Variants in CLDN14 observed in about 807,000 individuals in gnomAD.
The protein encoded by CLDN14 is claudin 14.
A neutral mutation model predicts 2.1 loss-of-function variants in CLDN14; 2 were observed. That is an observed-to-expected ratio of 0.96 (90% confidence interval 0.39 to 3.01). CLDN14 has a LOEUF of 3.01. Ranked by LOEUF, CLDN14 falls within the 30% of genes most tolerant of loss-of-function variation. The pLI is 0.09. For missense variants in CLDN14, 298 were observed against 328.0 expected (o/e 0.91, Z 0.71); for synonymous variants, 136 against 154.4 (o/e 0.88, Z 0.88).
chr21:36,464,326 A>C (rs2086618402), intron 1 of CLDN14, among the ~76,000 whole-genome samples: 1 of 152,216 alleles, frequency 6.6e-6, no homozygotes, highest in Non-Finnish European at 1.5e-5. Context: ...AACCAGTCTC[A>C]GGTAGTTCTT....
rs879424414 is a variant in CLDN14 at position 36,557,459 on chromosome 21, TA to T, written c.-220+18951del. 2.5e-3 allele frequency among the ~76,000 whole-genome samples: 377 copies of T among 149,902 alleles called. 3 individuals are homozygous for T. Among genetic ancestry groups the T allele is most frequent in the East Asian group, 0.025 (128 of 5,136 alleles). ...TCCACATCCTTGCCAACTCTTATCT[TA>T]AAAAAAAAATGCCATCCTAGTAGAT... On this transcript the variant is annotated intron_variant, in intron 1 of 2. Coordinates refer to the CLDN14 transcript ENST00000342108.
chr21:36,510,158 T>TAG (rs1444352878), intron 2 of CLDN14, among the ~76,000 whole-genome samples: 1 of 152,180 alleles, frequency 6.6e-6, no homozygotes. Context: ...GCTGAGCTGA[T>TAG]CCAAGACATT....
At chr21:36,505,997 C>T (rs956793405) in intron 2 of CLDN14, among the ~76,000 whole-genome samples, 9 of 152,212 alleles carry the variant, frequency 5.9e-5, no homozygotes, top group Non-Finnish European at 1.3e-4. Context: ...GAATACTCTT[C>T]AACTCAGCTA....
chr21:36,505,502 G>A (rs1402720938), intron 2 of CLDN14, among the ~76,000 whole-genome samples: 2 of 152,168 alleles, frequency 1.3e-5, no homozygotes, highest in Non-Finnish European at 2.9e-5. Context: ...AGGACAGGAT[G>A]ACTGGAGAGC....
intron 1 of CLDN14, among the ~76,000 whole-genome samples, chr21:36,468,438 G>A (rs1299132143): frequency 3.3e-5 from 5 of 152,054 alleles, no homozygotes; most frequent in African/African-American, 1.2e-4. Flanking sequence ...TTAGCCGGGT[G>A]TGGTGATGCA....
At chr21:36,501,562 G>T (rs1212008074) in intron 2 of CLDN14, among the ~76,000 whole-genome samples, 1 of 151,792 alleles carries the variant, frequency 6.6e-6, no homozygotes, top group Non-Finnish European at 1.5e-5. Flanking sequence ...ATGGGCTTTA[G>T]GGAACAAGCC....
chr21:36,542,680 CAGGCCTCCCAG>C (rs2087499627), intron 1 of CLDN14: 1 of 152,274 alleles, frequency 6.6e-6, no homozygotes, highest in South Asian at 2.1e-4. Flanking sequence ...CCTCGAGCGA[CAGGCCTCCCAG>C]AGGCCCCCCA....
chr21:36,467,007 G>C (rs989643594), intron 1 of CLDN14, among the ~76,000 whole-genome samples: 1 of 152,196 alleles, frequency 6.6e-6, no homozygotes, highest in Non-Finnish European at 1.5e-5. Flanking sequence ...CCCCAGCAGA[G>C]AGAGTATCAG....
chr21:36,533,039 C>G (rs2087393339), intron 1 of CLDN14, among the ~76,000 whole-genome samples: 1 of 152,198 alleles, frequency 6.6e-6, no homozygotes. Flanking sequence ...CTGTGGTGCT[C>G]CTCCTGAAAT....
intron 1 of CLDN14, among the ~76,000 whole-genome samples, chr21:36,529,579 A>G (rs2087363368): frequency 6.6e-6 from 1 of 152,066 alleles, no homozygotes; most frequent in Non-Finnish European, 1.5e-5. Flanking sequence ...ACCTGGCCAA[A>G]AAACCCATAG....
chr21:36,519,568 G>A (rs146408942), intron 1 of CLDN14, among the ~76,000 whole-genome samples: 12,632 of 152,126 alleles, frequency 0.083, 1,097 homozygotes, highest in African/African-American at 0.22. Context: ...AAATTAGCCC[G>A]GTGTGGTGGC....
intron 1 of CLDN14, among the ~76,000 whole-genome samples, chr21:36,536,705 C>T (rs966123457): frequency 2.0e-5 from 3 of 152,002 alleles, no homozygotes; most frequent in African/African-American, 7.2e-5. Context: ...TCCCACCCAC[C>T]ATCCTTCTAC....
At chr21:36,528,079 C>G (rs2835382) in intron 1 of CLDN14, among the ~76,000 whole-genome samples, 72,158 of 152,082 alleles carry the variant, frequency 0.47, 19,378 homozygotes, top group Middle Eastern at 0.62. Flanking sequence ...ATATTTGGTA[C>G]AAAGCTGTCG....
At chr21:36,560,916 G>T (rs184357241) in intron 1 of CLDN14, among the ~76,000 whole-genome samples, 11 of 152,270 alleles carry the variant, frequency 7.2e-5, no homozygotes, top group Admixed American at 1.3e-4. Context: ...GTTGTTGTTT[G>T]TTTTTAATTT....
chr21:36,497,442 C>T (rs1401764217), intron 2 of CLDN14, among the ~76,000 whole-genome samples: 1 of 143,236 alleles, frequency 7.0e-6, no homozygotes, highest in Non-Finnish European at 1.5e-5. Context: ...GGCAGGCACA[C>T]GCACACAGGC....
intron 1 of CLDN14, among the ~76,000 whole-genome samples, chr21:36,530,263 T>A (rs1338090855): frequency 6.6e-6 from 1 of 150,958 alleles, no homozygotes; most frequent in East Asian, 2.0e-4. Flanking sequence ...CAGCCTGGAT[T>A]CTCCCTAATG....
chr21:36,530,067 T>C (rs2087367124), intron 1 of CLDN14, among the ~76,000 whole-genome samples: 1 of 152,146 alleles, frequency 6.6e-6, no homozygotes, highest in Non-Finnish European at 1.5e-5. Flanking sequence ...AGTTAAAGAT[T>C]AAGTCTTTGC....
At chr21:36,477,272 C>T (rs1456013733) in intron 1 of CLDN14, 2 of 152,172 alleles carry the variant, frequency 1.3e-5, no homozygotes, top group African/African-American at 4.8e-5. Context: ...GATTTTCCCC[C>T]CTTAAAACAA....
chr21:36,504,780 A>G (rs1380852527), intron 2 of CLDN14, among the ~76,000 whole-genome samples: 3 of 152,246 alleles, frequency 2.0e-5, no homozygotes, highest in Non-Finnish European at 2.9e-5. Context: ...GTTGACTTCA[A>G]TGAAATAAGA....
Sources: allele counts gnomAD v4.1 joint callset (sites outside exome capture counted in the v4.1 genomes callset), GRCh38; gene constraint gnomAD v4.1.1; transcripts MANE v1.5; gene names NCBI Gene and HGNC (gene_info 2026-07-23, HGNC 2026-07-21).